MRPL48: variants seen among roughly 807,000 people sequenced by gnomAD.
The protein encoded by MRPL48 is large ribosomal subunit protein mL48.
MRPL48 carries 16 observed loss-of-function variants against 32.9 expected under a neutral mutation model. That is an observed-to-expected ratio of 0.49 (90% CI 0.33 to 0.74). MRPL48 has a LOEUF of 0.74. Among genes scored for constraint, MRPL48 ranks in the 30% least tolerant of loss-of-function variants. The probability of loss-of-function intolerance (pLI) is 0.02; values close to 1 mark genes in which losing one functional copy is unlikely to be tolerated. For missense variants in MRPL48, 206 were observed against 245.3 expected, an observed-to-expected ratio of 0.84 and a Z score of 1.07; for synonymous variants, 94 against 89.2, an observed-to-expected ratio of 1.05 and a Z score of -0.31.
At chr11:73,823,398 A>G (rs573436736) in intron 3 of MRPL48, among the ~76,000 whole-genome samples, 1 of 152,316 alleles carries the variant, frequency 6.6e-6, no homozygotes, top group South Asian at 2.1e-4. Flanking sequence ...ATATAGATAC[A>G]CACACATACA....
chr11:73,818,647 G>A (rs1333846161), intron 3 of MRPL48, among the ~76,000 whole-genome samples: 1 of 152,198 alleles, frequency 6.6e-6, no homozygotes, highest in Non-Finnish European at 1.5e-5. Flanking sequence ...TCTGTTGAGT[G>A]GAGAGAATAA....
In MRPL48 at chr11:73,798,319, C is replaced by T. The variant is rs145723299; in HGVS notation, c.22-6708C>T. On this transcript the variant is annotated intron_variant, in intron 1 of 7. Transcript: ENST00000310614. Reference sequence around the variant, plus strand: ...CTGTTGGCCAGGCTGGTTTCAAACTCCTGACCTCAGGTGATCTGCTCGCCT... The same window carrying T: ...CTGTTGGCCAGGCTGGTTTCAAACTTCTGACCTCAGGTGATCTGCTCGCCT... Among the ~76,000 whole-genome samples the T allele has an allele frequency of 2.6e-3, 399 of 152,228 alleles. 1 individual carries two copies. The highest frequency in any genetic ancestry group is 5.7e-3 in the Admixed American group (87 of 15,278).
intron 4 of MRPL48, among the ~76,000 whole-genome samples, chr11:73,837,729 A>C (rs968944861): frequency 6.6e-6 from 1 of 152,134 alleles, no homozygotes; most frequent in Non-Finnish European, 1.5e-5. Context: ...ACAGTAGTCC[A>C]TCCTCCCTAC....
intron 1 of MRPL48, among the ~76,000 whole-genome samples, chr11:73,789,168 GA>G (rs34411590): frequency 6.6e-6 from 1 of 151,500 alleles, no homozygotes; most frequent in Admixed American, 6.6e-5. Flanking sequence ...CAAGATAATA[GA>G]AAAAAAAATC....
chr11:73,814,854 C>T (rs901186575), intron 3 of MRPL48, among the ~76,000 whole-genome samples: 5 of 149,980 alleles, frequency 3.3e-5, no homozygotes, highest in East Asian at 2.0e-4. Context: ...ATTAGCCAGG[C>T]GTGGTGGTCA....
chr11:73,863,359 A>G (rs1312029119), intron 7 of MRPL48, 98 bp downstream of exon 7: 2 of 967,120 alleles, frequency 2.1e-6, no homozygotes, highest in Non-Finnish European at 3.1e-6. Context: ...GAACAGAGAA[A>G]TGTGGATAAT....
intron 5 of MRPL48, among the ~76,000 whole-genome samples, chr11:73,852,835 T>A (rs1565110308): frequency 6.6e-6 from 1 of 152,238 alleles, no homozygotes; most frequent in African/African-American, 2.4e-5. Context: ...AGCCAAGATT[T>A]GGAAGCAACC....
At chr11:73,819,312 C>T (rs1947732149) in intron 3 of MRPL48, among the ~76,000 whole-genome samples, 1 of 152,196 alleles carries the variant, frequency 6.6e-6, no homozygotes, top group Admixed American at 6.5e-5. Flanking sequence ...CTGAGGCAAA[C>T]ATTTGCAGTA....
intron 4 of MRPL48, among the ~76,000 whole-genome samples, chr11:73,830,268 A>T (rs978659052): frequency 6.6e-6 from 1 of 152,224 alleles, no homozygotes; most frequent in African/African-American, 2.4e-5. Flanking sequence ...ATAACCCACT[A>T]TCTGCAAACA....
At chr11:73,792,793 CA>C (rs1474171118) in intron 1 of MRPL48, among the ~76,000 whole-genome samples, 1 of 152,188 alleles carries the variant, frequency 6.6e-6, no homozygotes, top group Non-Finnish European at 1.5e-5. Flanking sequence ...AATGAGGAAC[CA>C]AACAATTACC....
intron 3 of MRPL48, among the ~76,000 whole-genome samples, chr11:73,824,368 T>C (rs962321747): frequency 5.9e-5 from 9 of 151,796 alleles, no homozygotes; most frequent in African/African-American, 1.7e-4. Context: ...GGTGGGCGAA[T>C]CATGAGGTCA....
chr11:73,810,272 A>G (rs1053417267), intron 3 of MRPL48, among the ~76,000 whole-genome samples: 3 of 152,218 alleles, frequency 2.0e-5, no homozygotes, highest in Admixed American at 1.3e-4. Flanking sequence ...CTGTAATCCC[A>G]GTACTTTGGC....
At position 73,862,063 on chromosome 11, in the gene MRPL48, G is replaced by A. The variant is rs554692603; in HGVS notation, c.475-1109G>A. On this transcript the variant is annotated intron_variant, in intron 6 of 7. Transcript: ENST00000310614. ...AGCACTTTGGGAGAACAAGGCGGGC[G>A]GATCACTTAAGGTGAGGAGTTTGAG... Among the ~76,000 whole-genome samples, 182 of 152,292 alleles carry A rather than the reference G, an allele frequency of 1.2e-3. 2 individuals carry two copies. Among genetic ancestry groups the A allele is most frequent in the Non-Finnish European group, 1.3e-4 (9 of 68,022 alleles).
intron 3 of MRPL48, among the ~76,000 whole-genome samples, chr11:73,823,919 G>A (rs996381356): frequency 5.3e-5 from 8 of 151,256 alleles, no homozygotes; most frequent in African/African-American, 1.9e-4. Context: ...GCAGTGGCAT[G>A]ATCTTGGCTC....
intron 4 of MRPL48, among the ~76,000 whole-genome samples, chr11:73,826,342 T>TA (rs532541329): frequency 5.9e-5 from 9 of 151,526 alleles, no homozygotes; most frequent in South Asian, 4.2e-4. Flanking sequence ...TTGTAATACT[T>TA]AAAAAAAAAT....
intron 6 of MRPL48, chr11:73,860,227 AC>A: frequency 2.2e-6 from 1 of 445,382 alleles, no homozygotes; most frequent in South Asian, 2.6e-5. Context: ...AATACTGATA[AC>A]CCCCAGATGT....
intron 1 of MRPL48, chr11:73,789,579 C>T (rs149370480): frequency 6.6e-6 from 1 of 152,258 alleles, no homozygotes; most frequent in African/African-American, 2.4e-5. Flanking sequence ...TTGTTATGAC[C>T]TTGGGCAAGT....
chr11:73,857,424 G>A (rs1374167283), intron 5 of MRPL48, among the ~76,000 whole-genome samples: 1 of 150,146 alleles, frequency 6.7e-6, no homozygotes, highest in Admixed American at 6.6e-5. Context: ...GAGCCACTGC[G>A]CCCGACCGAC....
intron 3 of MRPL48, among the ~76,000 whole-genome samples, chr11:73,821,219 T>A (rs140071706): frequency 0.013 from 1,932 of 152,150 alleles, 23 homozygotes; most frequent in Middle Eastern, 0.02. Context: ...GGTCTTAAAC[T>A]CCTGGCCTCA....
Sources: gnomAD v4.1 joint callset for allele counts (sites outside exome capture counted in the v4.1 genomes callset) on GRCh38, gnomAD v4.1.1 for gene constraint, MANE v1.5 for transcripts, NCBI Gene and HGNC (gene_info 2026-07-23, HGNC 2026-07-21) for gene names.